GRIK3: variants seen among roughly 807,000 people sequenced by gnomAD.
GRIK3 encodes glutamate receptor ionotropic, kainate 3.
In GRIK3, 29 loss-of-function variants were observed where a neutral mutation model predicts 102.5. The ratio of observed to expected loss-of-function variants is 0.28; its 90% CI spans 0.21 to 0.39. The LOEUF is 0.39. Ranked by LOEUF, GRIK3 falls within the 10% of genes least tolerant of loss-of-function variation. GRIK3 has a pLI of 1.00. For missense variants in GRIK3, 908 were observed against 1,252.4 expected, an observed-to-expected ratio of 0.73 and a Z score of 4.15; for synonymous variants, 511 against 504.9, an observed-to-expected ratio of 1.01 and a Z score of -0.16.
intron 12 of GRIK3, among the ~76,000 whole-genome samples, chr1:36,817,790 C>T (rs1274912804): frequency 3.3e-5 from 5 of 152,186 alleles, no homozygotes; most frequent in Non-Finnish European, 5.9e-5. Flanking sequence ...AAGAATTGTC[C>T]TTCCTCTGTC....
chr1:36,832,908 CT>C (rs1301203283), intron 10 of GRIK3, among the ~76,000 whole-genome samples: 2 of 152,236 alleles, frequency 1.3e-5, no homozygotes, highest in Non-Finnish European at 2.9e-5. Context: ...GTGGGCCCCC[CT>C]GCCCCCAAGG....
chr1:36,863,856 C>T lies in GRIK3; in HGVS notation c.787-3839G>A, dbSNP rs541323207. On this transcript the variant is annotated intron_variant, in intron 5 of 15. Coordinates refer to ENST00000373091, the MANE Select transcript of GRIK3 (RefSeq NM_000831.4). ...TGTTACCCAAAGTGGAAAGAAGGGT[C>T]AGCCAGCTGAGTGGCTCCTGGGGCA... Among the ~76,000 whole-genome samples, 48 of 152,298 alleles carry T rather than the reference C, an allele frequency of 3.2e-4. 1 individual carries two copies. The highest frequency in any genetic ancestry group is 1.1e-3 in the African/African-American group (47 of 41,570).
At chr1:37,014,595 C>T (rs1027431096) in intron 1 of GRIK3, among the ~76,000 whole-genome samples, 1 of 152,230 alleles carries the variant, frequency 6.6e-6, no homozygotes, top group Non-Finnish European at 1.5e-5. Flanking sequence ...GCCAGGCAGG[C>T]ACAATCTTAA....
chr1:37,022,260 G>T (rs1211351453), intron 1 of GRIK3, among the ~76,000 whole-genome samples: 1 of 152,180 alleles, frequency 6.6e-6, no homozygotes, highest in Non-Finnish European at 1.5e-5. Context: ...CCACATTTCT[G>T]CCTCACAGCT....
intron 10 of GRIK3, among the ~76,000 whole-genome samples, chr1:36,837,122 C>T (rs572103306): frequency 6.8e-4 from 103 of 152,176 alleles, no homozygotes; most frequent in African/African-American, 2.3e-3. Context: ...GGGTCCCACC[C>T]CAGGTCCTCA....
At chr1:36,835,404 C>T (rs1640365174) in intron 10 of GRIK3, among the ~76,000 whole-genome samples, 1 of 152,218 alleles carries the variant, frequency 6.6e-6, no homozygotes, top group African/African-American at 2.4e-5. Context: ...CTGTTTACCC[C>T]AAGAGATGGT....
intron 10 of GRIK3, among the ~76,000 whole-genome samples, chr1:36,834,047 C>T (rs955817144): frequency 1.3e-5 from 2 of 152,244 alleles, no homozygotes; most frequent in Admixed American, 6.5e-5. Flanking sequence ...AGCTCTTCCA[C>T]CCAGCCCAGA....
intron 1 of GRIK3, among the ~76,000 whole-genome samples, chr1:36,975,314 G>A (rs140067967): frequency 0.04 from 3,622 of 89,528 alleles, 65 homozygotes; most frequent in Non-Finnish European, 0.054. Flanking sequence ...TTTTTGAGAG[G>A]GAGTCTTGCT....
chr1:36,942,043 C>T (rs1641726684), intron 1 of GRIK3, among the ~76,000 whole-genome samples: 1 of 152,210 alleles, frequency 6.6e-6, no homozygotes, highest in African/African-American at 2.4e-5. Context: ...GGGCCAAGCA[C>T]TCTTTGAGGA....
intron 1 of GRIK3, among the ~76,000 whole-genome samples, chr1:36,951,631 T>C (rs1486005410): frequency 4.6e-5 from 7 of 152,142 alleles, no homozygotes; most frequent in Non-Finnish European, 7.4e-5. Context: ...GGTGACCAGG[T>C]ACTTGAGCCT....
chr1:36,909,294 CT>C (rs112156014), intron 1 of GRIK3, among the ~76,000 whole-genome samples: 12,585 of 139,338 alleles, frequency 0.09, 1,318 homozygotes, highest in African/African-American at 0.26. Flanking sequence ...CAAATCAGGG[CT>C]TTTTTTTTTT....
At chr1:37,009,857 G>A (rs985388376) in intron 1 of GRIK3, among the ~76,000 whole-genome samples, 2 of 152,146 alleles carry the variant, frequency 1.3e-5, no homozygotes, top group African/African-American at 2.4e-5. Flanking sequence ...CGACAGTCCT[G>A]AGGATGCTGT....
chr1:36,859,756 A>G (rs1640698376), intron 6 of GRIK3, 88 bp downstream of exon 6: 4 of 1,061,114 alleles, frequency 3.8e-6, no homozygotes, highest in East Asian at 2.4e-5. Flanking sequence ...GAAGTGGTGG[A>G]GGGAAGAAAG....
At chr1:37,008,038 C>T (rs542476763) in intron 1 of GRIK3, among the ~76,000 whole-genome samples, 11 of 152,342 alleles carry the variant, frequency 7.2e-5, no homozygotes, top group Non-Finnish European at 1.6e-4. Context: ...CACAAACCTC[C>T]AAGAGAAACA....
intron 1 of GRIK3, among the ~76,000 whole-genome samples, chr1:37,009,459 C>A (rs1033419963): frequency 1.3e-5 from 2 of 152,242 alleles, no homozygotes; most frequent in Admixed American, 6.5e-5. Context: ...CCAGGCTCAA[C>A]TCCCAGGGAG....
intron 1 of GRIK3, among the ~76,000 whole-genome samples, chr1:36,946,610 A>C (rs1395076234): frequency 6.6e-6 from 1 of 152,206 alleles, no homozygotes; most frequent in East Asian, 1.9e-4. Context: ...TTGGCGAATA[A>C]GTAACAATAC....
At chr1:36,944,728 G>A (rs1201353177) in intron 1 of GRIK3, among the ~76,000 whole-genome samples, 1 of 152,152 alleles carries the variant, frequency 6.6e-6, no homozygotes, top group East Asian at 1.9e-4. Context: ...AGGGGTTTGT[G>A]CTTTGGGGTC....
chr1:36,996,133 A>C (rs1039772331), intron 1 of GRIK3, among the ~76,000 whole-genome samples: 1 of 152,232 alleles, frequency 6.6e-6, no homozygotes, highest in African/African-American at 2.4e-5. Flanking sequence ...ACCTTCATGG[A>C]CCAGATCCAA....
Position 36,984,217 on chromosome 1 carries a change from C to A in GRIK3, c.115+49777G>T, listed in dbSNP as rs537090518. 2.0e-5 allele frequency among the ~76,000 whole-genome samples: 3 copies of A among 152,324 alleles called. No homozygotes were observed. In the East Asian group the frequency reaches 5.8e-4, roughly 29 times the overall value. ...ACACGTTTGCACACACATTCACTCT[C>A]TCTCATGACATCATACCCAGGCACA... On this transcript the variant is annotated intron_variant, in intron 1 of 15. Transcript: ENST00000373091.
Sources: gnomAD v4.1 joint callset for allele counts (sites outside exome capture counted in the v4.1 genomes callset) on GRCh38, gnomAD v4.1.1 for gene constraint, MANE v1.5 for transcripts, NCBI Gene and HGNC (gene_info 2026-07-23, HGNC 2026-07-21) for gene names.